Variants in NAALADL2 observed in about 807,000 individuals in gnomAD.
NAALADL2 encodes the protein inactive N-acetylated-alpha-linked acidic dipeptidase-like protein 2.
Under a neutral mutation model 87.2 loss-of-function variants are expected in NAALADL2, and 76 were observed. The ratio of observed to expected loss-of-function variants is 0.87; its 90% CI spans 0.72 to 1.05. The LOEUF (loss-of-function observed/expected upper bound fraction) is 1.05. Ranked by LOEUF, NAALADL2 falls within the 50% of genes least tolerant of loss-of-function variation. The pLI, the probability that NAALADL2 is intolerant of heterozygous loss-of-function variation, is 0.00. For missense variants in NAALADL2, 1,089 were observed against 945.8 expected (o/e 1.15, Z -1.99); for synonymous variants, 354 against 331.0 (o/e 1.07, Z -0.75).
intron 5 of NAALADL2, among the ~76,000 whole-genome samples, chr3:175,417,991 C>A (rs753611528): frequency 6.6e-6 from 1 of 151,900 alleles, no homozygotes; most frequent in Non-Finnish European, 1.5e-5. Context: ...ATGGTGAAAG[C>A]AAGCAAAATA....
At chr3:175,049,416 A>T (rs976869625) in intron 1 of NAALADL2, among the ~76,000 whole-genome samples, 1 of 152,062 alleles carries the variant, frequency 6.6e-6, no homozygotes, top group East Asian at 1.9e-4. Context: ...GATAAGGAAG[A>T]GTTTTTGTAA....
chr3:175,760,847 A>G (rs552480083), intron 13 of NAALADL2, among the ~76,000 whole-genome samples: 1 of 152,240 alleles, frequency 6.6e-6, no homozygotes, highest in African/African-American at 2.4e-5. Flanking sequence ...TCCCACTATA[A>G]TTTGATTTTC....
intron 2 of NAALADL2, among the ~76,000 whole-genome samples, chr3:174,621,815 A>G (rs667269): frequency 0.18 from 27,927 of 152,162 alleles, 3,148 homozygotes; most frequent in African/African-American, 0.31. Context: ...GACTGTTGGC[A>G]AAAGAGTCAC....
chr3:174,988,483 A>G (rs1338147446), intron 1 of NAALADL2, among the ~76,000 whole-genome samples: 1 of 152,184 alleles, frequency 6.6e-6, no homozygotes, highest in Non-Finnish European at 1.5e-5. Context: ...CATTCAGCCA[A>G]TGTATTAGTT....
At chr3:175,691,719 G>C (rs773242913) in intron 11 of NAALADL2, among the ~76,000 whole-genome samples, 2 of 151,960 alleles carry the variant, frequency 1.3e-5, no homozygotes, top group African/African-American at 4.8e-5. Flanking sequence ...CATTAAAAAT[G>C]GAACTGCTTG....
intron 1 of NAALADL2, among the ~76,000 whole-genome samples, chr3:175,002,079 C>T (rs543228881): frequency 5.9e-5 from 9 of 152,226 alleles, no homozygotes; most frequent in East Asian, 5.8e-4. Context: ...TCCCATGATA[C>T]GTCCCATGTG....
intron 2 of NAALADL2, among the ~76,000 whole-genome samples, chr3:175,178,661 C>T (rs1461281285): frequency 6.6e-6 from 1 of 152,020 alleles, no homozygotes; most frequent in Non-Finnish European, 1.5e-5. Flanking sequence ...TGCTAGTCTG[C>T]ATCCCCGCAG....
At chr3:175,044,775 G>C (rs140535550) in intron 1 of NAALADL2, among the ~76,000 whole-genome samples, 5 of 151,964 alleles carry the variant, frequency 3.3e-5, no homozygotes, top group Non-Finnish European at 7.4e-5. Context: ...CTTACAGATT[G>C]GTTTTGATTT....
rs75535804 is a variant in NAALADL2 at position 175,312,458 on chromosome 3, A to G, written c.940-11717A>G. 8.7e-3 allele frequency among the ~76,000 whole-genome samples: 1,313 copies of G among 150,326 alleles called. 17 individuals are homozygous for G. The highest frequency in any genetic ancestry group is 0.031 in the African/African-American group (1,258 of 40,992). ...AAAAATCCAGTTCTTTTTTTTTTTT[A>G]ACCATCTAAATAAACAGGCATATAA... On this transcript the variant is annotated intron_variant, in intron 4 of 13. Coordinates refer to ENST00000454872, the MANE Select transcript of NAALADL2 (RefSeq NM_207015.3).
Position 175,677,478 on chromosome 3 carries a change from GGTGTGTGTGT to G in NAALADL2, c.1896+50123_1896+50132del, listed in dbSNP as rs144329998. On this transcript the variant is annotated intron_variant, in intron 11 of 13. Transcript: ENST00000454872. ...TGGTGGCTGATAAATAGTATAATGG[GGTGTGTGTGT>G]GTGTGTGTGTGTGTGTGTGTGTGTG... is the stretch of plus-strand genomic sequence containing the variant. 1.7e-4 allele frequency among the ~76,000 whole-genome samples: 24 copies of G among 140,192 alleles called. No individual in the cohort carries two copies. In the East Asian group the frequency reaches 3.4e-3, roughly 20 times the overall value. The allele number at this position is 140,192 out of a possible 152,430, so 92.0% of individuals were successfully genotyped here.
chr3:175,641,943 T>A (rs1373728606), intron 11 of NAALADL2, among the ~76,000 whole-genome samples: 1 of 152,168 alleles, frequency 6.6e-6, no homozygotes, highest in Non-Finnish European at 1.5e-5. Context: ...AATTTTTTAG[T>A]GAAAAATGAA....
chr3:174,960,118 C>T (rs191675089), intron 1 of NAALADL2, among the ~76,000 whole-genome samples: 2 of 152,074 alleles, frequency 1.3e-5, no homozygotes, highest in East Asian at 3.9e-4. Flanking sequence ...TTAGAAATGG[C>T]ATGAACTGGC....
At chr3:174,521,786 G>C (rs1474284908) in intron 1 of NAALADL2, among the ~76,000 whole-genome samples, 4 of 152,070 alleles carry the variant, frequency 2.6e-5, no homozygotes, top group African/African-American at 9.7e-5. Context: ...CTTCAAAAGG[G>C]TGTAGAAGGA....
In NAALADL2 at chr3:174,628,312, T is replaced by C. The variant is rs544669186; in HGVS notation, c.-115+77675T>C. On this transcript the variant is annotated intron_variant, in intron 2 of 3. Coordinates refer to the NAALADL2 transcript ENST00000434257. ...CCAACATGGTGAAATCCCGTCTCTA[T>C]TAAAAATACAAAAAATTAGCTGGGT... is the stretch of plus-strand genomic sequence containing the variant. Among the ~76,000 whole-genome samples the C allele has an allele frequency of 1.6e-3, 243 of 151,488 alleles. 2 individuals carry two copies. The highest frequency in any genetic ancestry group is 5.8e-3 in the African/African-American group (239 of 41,322).
chr3:175,071,222 G>A (rs1158326574), intron 1 of NAALADL2, among the ~76,000 whole-genome samples: 4 of 152,092 alleles, frequency 2.6e-5, no homozygotes, highest in Non-Finnish European at 5.9e-5. Context: ...GCCACAAAGC[G>A]TGTCTGACTT....
At chr3:174,675,007 G>A (rs537741285) in intron 2 of NAALADL2, among the ~76,000 whole-genome samples, 12 of 152,078 alleles carry the variant, frequency 7.9e-5, no homozygotes, top group African/African-American at 1.7e-4. Context: ...TTGACTGAAC[G>A]CCACTAGTTT....
In NAALADL2 at chr3:175,467,152, T is replaced by C; in HGVS notation, c.1501T>C (p.Phe501Leu). Residue 501 changes from phenylalanine to leucine, a missense_variant, in exon 8 of 14, where the codon TTT (phenylalanine) becomes CTT (leucine). Physicochemically the swap from Phe to Leu is conservative, Grantham distance 22. Transcript: ENST00000454872. ...IVFCSWGGTAFGNIGSYEWGE... is the reference protein window; with the variant it reads ...IVFCSWGGTALGNIGSYEWGE... ...TTTCTGTTCTTGGGGAGGAACAGCT[T>C]TTGGCAATATTGGCTCATATGAATG... 1.2e-6 allele frequency: 2 copies of C among 1,613,868 alleles called. No individual in the cohort carries two copies. The highest frequency in any genetic ancestry group is 1.7e-6 in the Non-Finnish European group (2 of 1,179,798).
intron 11 of NAALADL2, among the ~76,000 whole-genome samples, chr3:175,715,913 T>C (rs932373705): frequency 6.6e-6 from 1 of 151,662 alleles, no homozygotes; most frequent in African/African-American, 2.4e-5. Context: ...GATGGACCCT[T>C]AAATGTTTGA....
chr3:175,787,534 C>A (rs1187839278), intron 13 of NAALADL2, among the ~76,000 whole-genome samples: 1 of 152,224 alleles, frequency 6.6e-6, no homozygotes, highest in Non-Finnish European at 1.5e-5. Context: ...ACCCCTTGCG[C>A]TTCCCAAGTG....
Sources: allele counts gnomAD v4.1 joint callset (sites outside exome capture counted in the v4.1 genomes callset), GRCh38; gene constraint gnomAD v4.1.1; transcripts MANE v1.5; gene names NCBI Gene and HGNC (gene_info 2026-07-23, HGNC 2026-07-21).